Variants in NAA25 observed in about 807,000 individuals in gnomAD.
NAA25 encodes N-alpha-acetyltransferase 25, NatB auxiliary subunit.
A neutral mutation model predicts 132.5 loss-of-function variants in NAA25; 30 were observed. The observed-to-expected ratio is 0.23, with a 90% CI of 0.17 to 0.31. NAA25 has a LOEUF of 0.31. Among genes scored for constraint, NAA25 ranks in the 10% least tolerant of loss-of-function variants. The pLI, the probability that NAA25 is intolerant of heterozygous loss-of-function variation, is 1.00. For missense variants in NAA25, 771 were observed against 1,150.4 expected (o/e 0.67, Z 4.77); for synonymous variants, 359 against 401.9 (o/e 0.89, Z 1.28).
Position 112,075,941 on chromosome 12 carries a change from G to A in NAA25, c.665-152C>T, listed in dbSNP as rs143155724. The A allele has an allele frequency of 4.5e-3, 2,564 of 575,114 alleles. 68 individuals carry two copies. The highest frequency in any genetic ancestry group is 0.044 in the African/African-American group (2,322 of 52,746). 35.6% of individuals were successfully genotyped at this position (575,114 alleles called of 1,614,324 possible). A position where few individuals can be genotyped will look rare whatever the true frequency, so the allele number is the denominator to read the frequency against. ...CTTGTCACCCAGGCTGGAGTGCAAT[G>A]GCACGATCTTGGCTCACTGCAACCT... On this transcript the variant is annotated intron_variant, in intron 7 of 23. Coordinates refer to ENST00000261745, the MANE Select transcript of NAA25 (RefSeq NM_024953.4).
chr12:112,078,318 AAGAC>A, intron 6 of NAA25, 52 bp from the exon 7 acceptor site: 4 of 1,303,936 alleles, frequency 3.1e-6, no homozygotes, highest in Middle Eastern at 1.9e-4. Flanking sequence ...CAATAATAAA[AAGAC>A]AGTCATTTAT....
intron 4 of NAA25, among the ~76,000 whole-genome samples, chr12:112,086,914 G>T (rs1470059187): frequency 2.4e-4 from 3 of 12,460 alleles, no homozygotes; most frequent in African/African-American, 2.5e-3. Context: ...AGGAGGCTGA[G>T]GCAGAATAGC....
intron 1 of NAA25, among the ~76,000 whole-genome samples, chr12:112,098,237 C>T (rs2079244436): frequency 6.6e-6 from 1 of 151,864 alleles, no homozygotes; most frequent in South Asian, 2.1e-4. Context: ...CCATCAGGTC[C>T]TGGGGCACTA....
intron 14 of NAA25, 136 bp from the exon 15 acceptor site, chr12:112,053,793 G>T (rs1248377175): frequency 1.3e-4 from 26 of 194,950 alleles, no homozygotes; most frequent in Non-Finnish European, 1.9e-4. Context: ...TACTCCCACA[G>T]AAATGATCTA....
At chr12:112,048,871 C>T (rs1174877610) in intron 15 of NAA25, among the ~76,000 whole-genome samples, 1 of 151,850 alleles carries the variant, frequency 6.6e-6, no homozygotes, top group Non-Finnish European at 1.5e-5. Context: ...CCACCTGCCC[C>T]CCGCCCCCCC....
At chr12:112,046,830 T>C (rs2078388398) in intron 17 of NAA25, among the ~76,000 whole-genome samples, 2 of 152,250 alleles carry the variant, frequency 1.3e-5, no homozygotes, top group South Asian at 4.1e-4. Flanking sequence ...GAGTTCTCTC[T>C]ATATATGAAG....
At chr12:112,053,821 T>TAAAAAAAA (rs4041251) in intron 14 of NAA25, among the ~76,000 whole-genome samples, 164 bp from the exon 15 acceptor site, 4 of 114,338 alleles carry the variant, frequency 3.5e-5, no homozygotes, top group Middle Eastern at 4.7e-3. Flanking sequence ...AGTTAAAATT[T>TAAAAAAAA]AAAAAAAAAA....
rs769840863 is a variant in NAA25 at position 112,043,203 on chromosome 12, G to A, written c.2259C>T (p.Phe753=). The part of the protein sequence containing the change: ...RFIEKDIQYP[F]LGPVPTRMGG... The stretch of plus-strand genomic sequence containing the variant: ...CCATTCTGGTAGGTACAGGACCAAG[G>A]AAAGGATACTGGAAAAAAGGGAGAA... The change falls in exon 19 of 24, where the codon TTC becomes TTT. Residue 753 remains phenylalanine, a synonymous_variant. Coordinates refer to ENST00000261745, the MANE Select transcript of NAA25 (RefSeq NM_024953.4). 2.5e-6 allele frequency: 4 copies of A among 1,588,070 alleles called. No individual in the cohort carries two copies. Among genetic ancestry groups the A allele is most frequent in the Non-Finnish European group, 2.6e-6 (3 of 1,168,528 alleles).
At position 112,029,501 on chromosome 12, in the gene NAA25, G is replaced by C. The variant is rs375743329; in HGVS notation, c.*30C>G. On this transcript the variant is annotated 3_prime_UTR_variant, in exon 24 of 24. Coordinates refer to ENST00000261745, the MANE Select transcript of NAA25 (RefSeq NM_024953.4). ...GAAGATGGTGTCATATTCTGTTGCA[G>C]AGTCATCAGTGCCCATGATAGATAC... The C allele has an allele frequency of 4.3e-6, 7 of 1,613,420 alleles. No individual in the cohort carries two copies. The African/African-American group carries it at 8.0e-5, about 18-fold the overall frequency.
At chr12:112,085,159 G>C (rs2079027755) in intron 4 of NAA25, among the ~76,000 whole-genome samples, 1 of 152,136 alleles carries the variant, frequency 6.6e-6, no homozygotes, top group South Asian at 2.1e-4. Context: ...GAACCCAGGA[G>C]GCGGAGGTTG....
rs146801067 is a variant in NAA25 at position 112,047,531 on chromosome 12, C to G, written c.2006+134G>C. On this transcript the variant is annotated intron_variant, in intron 17 of 23. Transcript: ENST00000261745. ...ACAGGCCTGAGCCACCGTGCCCAGC[C>G]CAACCTAATTCTTTAAAAATAAACT... 9.5e-5 allele frequency: 106 copies of G among 1,115,928 alleles called. 2 individuals carry two copies. The East Asian group carries it at 2.6e-3, about 27-fold the overall frequency. 69.1% of individuals were successfully genotyped at this position (1,115,928 alleles called of 1,614,324 possible). A position where few individuals can be genotyped will look rare whatever the true frequency, so the allele number is the denominator to read the frequency against.
chr12:112,027,282 G>T lies in NAA25; in HGVS notation c.*2249C>A, dbSNP rs1222963541. On this transcript the variant is annotated 3_prime_UTR_variant, in exon 24 of 24. Coordinates refer to ENST00000261745, the MANE Select transcript of NAA25 (RefSeq NM_024953.4). Reference sequence around the variant, plus strand: ...AATACCAATGGCATACGATTGCTGGGAGAGGGTGCTTTTTACTCATGTAAG... The same window carrying T: ...AATACCAATGGCATACGATTGCTGGTAGAGGGTGCTTTTTACTCATGTAAG... 1 of 152,154 alleles carries T rather than the reference G, an allele frequency of 6.6e-6. No homozygotes were observed. The highest frequency in any genetic ancestry group is 6.6e-5 in the Admixed American group (1 of 15,242). The allele number at this position is 152,154 out of a possible 1,614,324, so 9.4% of individuals were successfully genotyped here. A position where few individuals can be genotyped will look rare whatever the true frequency, so the allele number is the denominator to read the frequency against.
chr12:112,045,725 G>A (rs1294000092), intron 17 of NAA25, among the ~76,000 whole-genome samples: 1 of 152,080 alleles, frequency 6.6e-6, no homozygotes, highest in Non-Finnish European at 1.5e-5. Flanking sequence ...AACCCAGGAG[G>A]TGGGGGTTGC....
At chr12:112,057,046 G>A (rs1446093752) in intron 13 of NAA25, among the ~76,000 whole-genome samples, 1 of 152,082 alleles carries the variant, frequency 6.6e-6, no homozygotes, top group Non-Finnish European at 1.5e-5. Context: ...AAATTAGCCA[G>A]GCGTGGTGGT....
chr12:112,086,559 G>A (rs575293908), intron 4 of NAA25, among the ~76,000 whole-genome samples: 1 of 152,190 alleles, frequency 6.6e-6, no homozygotes, highest in Non-Finnish European at 1.5e-5. Flanking sequence ...AAAATATAGA[G>A]ACTGATTTTA....
At chr12:112,074,935 G>T (rs887226680) in intron 8 of NAA25, among the ~76,000 whole-genome samples, 171 bp from the exon 9 acceptor site, 1 of 152,122 alleles carries the variant, frequency 6.6e-6, no homozygotes, top group African/African-American at 2.4e-5. Context: ...CATTTTCAAA[G>T]TAATACTACT....
chr12:112,049,344 T>C lies in NAA25; in HGVS notation c.1729-901A>G, dbSNP rs953913853. 10 of 578,114 alleles carry C rather than the reference T, an allele frequency of 1.7e-5. No individual in the cohort carries two copies. The Admixed American group carries it at 3.2e-4, about 18-fold the overall frequency. The allele number at this position is 578,114 out of a possible 1,614,324, so 35.8% of individuals were successfully genotyped here. A position where few individuals can be genotyped will look rare whatever the true frequency, so the allele number is the denominator to read the frequency against. On this transcript the variant is annotated intron_variant, in intron 15 of 23. Coordinates refer to ENST00000261745, the MANE Select transcript of NAA25 (RefSeq NM_024953.4). This position sits in a 1 kb window ranked among gnomAD's most constrained non-coding sequence, Gnocchi z 4.7. Reference sequence around the variant, plus strand: ...CCAAGGAAACTATTATGCTCAAAGCTGATGTCTGCCCCCAAAAAAGATCCT... The same window carrying C: ...CCAAGGAAACTATTATGCTCAAAGCCGATGTCTGCCCCCAAAAAAGATCCT...
At chr12:112,087,075 T>C (rs2079068715) in intron 4 of NAA25, among the ~76,000 whole-genome samples, 1 of 151,960 alleles carries the variant, frequency 6.6e-6, no homozygotes, top group Non-Finnish European at 1.5e-5. Flanking sequence ...ATAATGCTGA[T>C]TATATTTCTC....
intron 15 of NAA25, among the ~76,000 whole-genome samples, 161 bp downstream of exon 15, chr12:112,053,397 C>T (rs2078495542): frequency 6.6e-6 from 1 of 152,198 alleles, no homozygotes; most frequent in Non-Finnish European, 1.5e-5. Context: ...TAACTCTCTA[C>T]CTCTCCCTAC....
Sources: gnomAD v4.1 joint callset for allele counts (sites outside exome capture counted in the v4.1 genomes callset) on GRCh38, gnomAD v4.1.1 for gene constraint, Gnocchi (gnomAD v3.1) non-coding constraint, MANE v1.5 for transcripts, NCBI Gene and HGNC (gene_info 2026-07-23, HGNC 2026-07-21) for gene names.